The following ANK3 variants were observed in gnomAD, a reference collection of about 807,000 sequenced individuals.
ANK3 encodes the protein ankyrin-3.
A neutral mutation model predicts 370.9 loss-of-function variants in ANK3; 57 were observed. That is an observed-to-expected ratio of 0.15 (90% confidence interval 0.12 to 0.19). The LOEUF is 0.19. ANK3 is among the 10% of genes least tolerant of loss of function. The probability of loss-of-function intolerance (pLI) is 1.00; values close to 1 mark genes in which losing one functional copy is unlikely to be tolerated. For synonymous variants in ANK3, 1,929 were observed against 1,946.3 expected (o/e 0.99, Z 0.23); for missense variants, 4,439 against 5,302.1 (o/e 0.84, Z 5.06).
At chr10:60,269,208 T>C (rs969522447) in intron 5 of ANK3, among the ~76,000 whole-genome samples, 11 of 152,208 alleles carry the variant, frequency 7.2e-5, no homozygotes, top group Non-Finnish European at 2.9e-5. Flanking sequence ...CAGTCTTCCA[T>C]CCAGATTAGT....
intron 2 of ANK3, 23 bp from the exon 3 acceptor site, chr10:60,279,171 C>A: frequency 1.2e-6 from 2 of 1,605,342 alleles, no homozygotes; most frequent in Non-Finnish European, 1.7e-6. Context: ...AAAGGAAAAG[C>A]TCTACTCAGC....
intron 1 of ANK3, among the ~76,000 whole-genome samples, chr10:60,659,634 A>G (rs12783716): frequency 0.33 from 50,523 of 151,884 alleles, 8,964 homozygotes; most frequent in South Asian, 0.56. Flanking sequence ...ATAAAAGAGT[A>G]TATCCTTAGT....
intron 1 of ANK3, among the ~76,000 whole-genome samples, chr10:60,633,327 G>A (rs1381034462): frequency 6.6e-6 from 1 of 152,036 alleles, no homozygotes; most frequent in Non-Finnish European, 1.5e-5. Flanking sequence ...AAACAAAAAT[G>A]TAAATCACAA....
At chr10:60,304,070 T>C (rs2044420413) in intron 1 of ANK3, among the ~76,000 whole-genome samples, 1 of 151,950 alleles carries the variant, frequency 6.6e-6, no homozygotes, top group Middle Eastern at 3.4e-3. Flanking sequence ...GTCAAGTCTA[T>C]AGAAACAGAG....
intron 2 of ANK3, among the ~76,000 whole-genome samples, chr10:60,435,431 G>A (rs1408009094): frequency 1.3e-5 from 2 of 151,942 alleles, no homozygotes; most frequent in African/African-American, 4.8e-5. Flanking sequence ...TTTCCTCTAG[G>A]TGAGTCCTAA....
At chr10:60,356,739 C>T (rs954725991) in intron 1 of ANK3, among the ~76,000 whole-genome samples, 1 of 152,180 alleles carries the variant, frequency 6.6e-6, no homozygotes, top group Admixed American at 6.5e-5. Flanking sequence ...GATGGAGTCT[C>T]ACTGTGTGAC....
intron 8 of ANK3, among the ~76,000 whole-genome samples, chr10:60,218,097 CTTTTT>C (rs199989242): frequency 7.9e-6 from 1 of 126,154 alleles, no homozygotes; most frequent in African/African-American, 3.2e-5. Flanking sequence ...CTTTTTCTTT[CTTTTT>C]TTTTTTTTTT....
chr10:60,226,576 AT>A (rs2097165086), intron 8 of ANK3, among the ~76,000 whole-genome samples: 1 of 104,040 alleles, frequency 9.6e-6, no homozygotes, highest in Non-Finnish European at 1.7e-5. Flanking sequence ...TAGTATATGT[AT>A]ATATACTATG....
At chr10:60,137,445 G>A (rs2094407149) in intron 24 of ANK3, 1 of 286,572 alleles carries the variant, frequency 3.5e-6, no homozygotes, top group Non-Finnish European at 6.9e-6. Flanking sequence ...AAAATGTTAT[G>A]GTTGAATGAG....
At chr10:60,291,181 T>A in intron 1 of ANK3, among the ~76,000 whole-genome samples, 1 of 152,204 alleles carries the variant, frequency 6.6e-6, no homozygotes. Context: ...GACTTGATTA[T>A]GTTCAGCTGC....
At chr10:60,442,681 CTCTT>C (rs139242232) in intron 2 of ANK3, among the ~76,000 whole-genome samples, 13,000 of 152,200 alleles carry the variant, frequency 0.085, 648 homozygotes, top group South Asian at 0.16. Flanking sequence ...AAACTGAAAA[CTCTT>C]TCATGATTCA....
chr10:60,375,310 A>T (rs7090898), intron 1 of ANK3, among the ~76,000 whole-genome samples: 2,383 of 152,310 alleles, frequency 0.016, 63 homozygotes, highest in African/African-American at 0.055. Flanking sequence ...AGAAAACCCA[A>T]CAATTCATGG....
At chr10:60,325,970 CCTTTG>C (rs1479334817) in intron 1 of ANK3, among the ~76,000 whole-genome samples, 2 of 152,138 alleles carry the variant, frequency 1.3e-5, no homozygotes, top group Non-Finnish European at 2.9e-5. Context: ...AAGATCATGC[CCTTTG>C]CAGCTCACGG....
At chr10:60,520,372 C>T (rs1297340200) in intron 2 of ANK3, among the ~76,000 whole-genome samples, 1 of 152,038 alleles carries the variant, frequency 6.6e-6, no homozygotes, top group Non-Finnish European at 1.5e-5. Context: ...ACCTTAGCAT[C>T]ATGCAATATA....
intron 1 of ANK3, among the ~76,000 whole-genome samples, chr10:60,640,120 G>A (rs1324814727): frequency 6.6e-6 from 1 of 152,000 alleles, no homozygotes; most frequent in Non-Finnish European, 1.5e-5. Context: ...GTAAAAACAG[G>A]CATTTTATAA....
intron 1 of ANK3, among the ~76,000 whole-genome samples, chr10:60,628,806 A>C (rs187336831): frequency 6.6e-6 from 1 of 152,288 alleles, no homozygotes; most frequent in Admixed American, 6.5e-5. Context: ...CACTTTTCCC[A>C]CTTAATGGTG....
chr10:60,449,928 A>G (rs1051523535), intron 2 of ANK3, among the ~76,000 whole-genome samples: 1 of 152,206 alleles, frequency 6.6e-6, no homozygotes, highest in Non-Finnish European at 1.5e-5. Context: ...TAAACATAAA[A>G]TGGTCTAAAA....
chr10:60,211,876 T>C (rs1314633043), intron 9 of ANK3, among the ~76,000 whole-genome samples: 2 of 126,048 alleles, frequency 1.6e-5, no homozygotes, highest in Non-Finnish European at 3.1e-5. Flanking sequence ...GAAGCCTTCA[T>C]TGTAAAATAC....
intron 21 of ANK3, among the ~76,000 whole-genome samples, chr10:60,169,325 A>G (rs1338420819): frequency 7.0e-6 from 1 of 143,230 alleles, no homozygotes; most frequent in Non-Finnish European, 1.5e-5. Flanking sequence ...TTTGCAGTAT[A>G]CTAGTCAGAT....
Sources: gnomAD v4.1 joint callset for allele counts (sites outside exome capture counted in the v4.1 genomes callset) on GRCh38, gnomAD v4.1.1 for gene constraint, MANE v1.5 for transcripts, NCBI Gene and HGNC (gene_info 2026-07-23, HGNC 2026-07-21) for gene names.